CDK3: variants seen among roughly 807,000 people sequenced by gnomAD.
The protein encoded by CDK3 is cyclin-dependent kinase 3.
A neutral mutation model predicts 30.2 loss-of-function variants in CDK3; 24 were observed. The ratio of observed to expected loss-of-function variants is 0.79; its 90% CI spans 0.57 to 1.12. The LOEUF (loss-of-function observed/expected upper bound fraction) is 1.12, where lower values mean the gene tolerates loss of function less well. Among genes scored for constraint, CDK3 ranks in the 50% most tolerant of loss-of-function variants. The probability of loss-of-function intolerance (pLI) is 0.00; values close to 1 mark genes in which losing one functional copy is unlikely to be tolerated. For missense variants in CDK3, 345 were observed against 376.0 expected (o/e 0.92, Z 0.68); for synonymous variants, 158 against 154.2 (o/e 1.02, Z -0.18).
In CDK3 at chr17:76,002,199, C is replaced by T. The variant is rs1384528429; in HGVS notation, c.316-49C>T. On this transcript the variant is annotated intron_variant, in intron 4 of 7. Coordinates refer to ENST00000448471, the MANE Select transcript of CDK3 (RefSeq NM_001258.4). The surrounding 1 kb of genome is among the most constrained non-coding windows in gnomAD (Gnocchi z 4.3). ...ACACCCCATCCCTGCCATCCCTGTC[C>T]ACGCAGCACCTCCGCTCAGCTGGCT... 2 of 1,612,498 alleles carry T rather than the reference C, an allele frequency of 1.2e-6. No individual in the cohort carries two copies. The highest frequency in any genetic ancestry group is 1.1e-5 in the South Asian group (1 of 91,004).
rs772166842 is a variant in CDK3 at position 76,002,270 on chromosome 17, A to G, written c.338A>G (p.Gln113Arg). 1 of 1,611,818 alleles carries G rather than the reference A, an allele frequency of 6.2e-7. No individual in the cohort carries two copies. The highest frequency in any genetic ancestry group is 8.5e-7 in the Non-Finnish European group (1 of 1,179,934). ...LIKSYLFQLL[Q>R]GVSFCHSHRV... is the part of the protein sequence containing the mutation. ...CAGAGCTACCTCTTCCAGCTGCTGCAGGGGGTGAGTTTCTGCCACTCACAT... is the reference window on the plus strand; with the variant it reads ...CAGAGCTACCTCTTCCAGCTGCTGCGGGGGGTGAGTTTCTGCCACTCACAT... Residue 113 changes from glutamine to arginine, a missense_variant, in exon 5 of 8, where the codon CAG becomes CGG. Gln to Arg is a conservative substitution (Grantham distance 43). Transcript: ENST00000448471. This position sits in a 1 kb window ranked among gnomAD's most constrained non-coding sequence, Gnocchi z 4.3.
chr17:76,002,004 C>T lies in CDK3; in HGVS notation c.195-18C>T, dbSNP rs745355663. 1 of 1,614,066 alleles carries T rather than the reference C, an allele frequency of 6.2e-7. No individual in the cohort carries two copies. Among genetic ancestry groups the T allele is most frequent in the Non-Finnish European group, 8.5e-7 (1 of 1,179,966 alleles). ...TGGGATGGCGAAGGTAGCATCCTGA[C>T]TGCCATCTCCCTGTCAGACTGCTGG... On this transcript the variant is annotated intron_variant, in intron 3 of 7. Coordinates refer to ENST00000448471, the MANE Select transcript of CDK3 (RefSeq NM_001258.4). The surrounding 1 kb of genome is among the most constrained non-coding windows in gnomAD (Gnocchi z 4.3).
At position 76,000,919 on chromosome 17, in the gene CDK3, G is replaced by C. The variant is rs544179820; in HGVS notation, c.-63G>C. 2 of 1,051,788 alleles carry C rather than the reference G, an allele frequency of 1.9e-6. No individual in the cohort carries two copies. Among genetic ancestry groups the C allele is most frequent in the African/African-American group, 1.7e-5 (1 of 58,252 alleles). 65.2% of individuals were successfully genotyped at this position (1,051,788 alleles called of 1,614,324 possible). The stretch of plus-strand genomic sequence containing the variant: ...GGCCCCTGGGCAGCCCTTCCTGGCC[G>C]CCATGTGTACCCAGAGCCTGGGACT... On this transcript the variant is annotated 5_prime_UTR_variant, in exon 1 of 8. Coordinates refer to ENST00000448471, the MANE Select transcript of CDK3 (RefSeq NM_001258.4). The surrounding 1 kb of genome is among the most constrained non-coding windows in gnomAD (Gnocchi z 5.9).
In CDK3 at chr17:76,005,441, T is replaced by C; in HGVS notation, c.*18T>C. ...GCCATTGAGAATGTCAAGGCCACAC[T>C]CAGATCCTTTCTCGAGCAGCTGCTG... On this transcript the variant is annotated 3_prime_UTR_variant, in exon 8 of 8. Transcript: ENST00000448471. This position sits in a 1 kb window ranked among gnomAD's most constrained non-coding sequence, Gnocchi z 4.7. 1 of 1,605,152 alleles carries C rather than the reference T, an allele frequency of 6.2e-7. No individual in the cohort carries two copies. The highest frequency in any genetic ancestry group is 8.5e-7 in the Non-Finnish European group (1 of 1,173,386).
At chr17:76,003,052 A>G (rs888716709) in intron 6 of CDK3, 143 bp from the exon 7 acceptor site, 7 of 712,680 alleles carry the variant, frequency 9.8e-6, no homozygotes, top group Non-Finnish European at 1.7e-5. Context: ...AGGTAGCTTT[A>G]TTCCAAAAGA....
intron 7 of CDK3, chr17:76,004,709 T>A (rs2066295441): frequency 6.6e-6 from 1 of 152,578 alleles, no homozygotes; most frequent in South Asian, 2.0e-4. Flanking sequence ...CTTAATCTGG[T>A]GTTGAATGAG....
chr17:76,003,313 A>G lies in CDK3; in HGVS notation c.707A>G (p.Tyr236Cys), dbSNP rs2066278808. 2 of 1,614,074 alleles carry G rather than the reference A, an allele frequency of 1.2e-6. No homozygotes were observed. Among genetic ancestry groups the G allele is most frequent in the East Asian group, 2.2e-5 (1 of 44,884 alleles). ...CCCGGGGTCACCCAGCTGCCTGACT[A>G]TAAGGGCAGCTTCCCTAAGTGGACC... ...TWPGVTQLPD[Y>C]KGSFPKWTRK... The change falls in exon 7 of 8, where the codon TAT (tyrosine) becomes TGT (cysteine). Residue 236 changes from tyrosine to cysteine, a missense_variant. Physicochemically the swap from Tyr to Cys is radical, Grantham distance 194. Coordinates refer to ENST00000448471, the MANE Select transcript of CDK3 (RefSeq NM_001258.4).
Position 76,001,739 on chromosome 17 carries a change from C to T in CDK3, c.117-135C>T, listed in dbSNP as rs749967188. The T allele has an allele frequency of 1.2e-4, 119 of 957,020 alleles. 1 individual carries two copies. The Middle Eastern group carries it at 3.0e-3, about 24-fold the overall frequency. The allele number at this position is 957,020 out of a possible 1,614,324, so 59.3% of individuals were successfully genotyped here. ...CCTGACTGTGGAGTTTGGTGGATGA[C>T]GTGCCAAGGAGCACAGGTCTCCATT... On this transcript the variant is annotated intron_variant, in intron 2 of 7. Coordinates refer to ENST00000448471, the MANE Select transcript of CDK3 (RefSeq NM_001258.4). This position sits in a 1 kb window ranked among gnomAD's most constrained non-coding sequence, Gnocchi z 6.2.
In CDK3 at chr17:76,001,730, G is replaced by T. The variant is rs2066261623; in HGVS notation, c.117-144G>T. ...TGCCGGGGCCCTGACTGTGGAGTTTGGTGGATGACGTGCCAAGGAGCACAG... is the reference window on the plus strand; with the variant it reads ...TGCCGGGGCCCTGACTGTGGAGTTTTGTGGATGACGTGCCAAGGAGCACAG... On this transcript the variant is annotated intron_variant, in intron 2 of 7. Coordinates refer to ENST00000448471, the MANE Select transcript of CDK3 (RefSeq NM_001258.4). The surrounding 1 kb of genome is among the most constrained non-coding windows in gnomAD (Gnocchi z 6.2). The T allele has an allele frequency of 1.1e-6, 1 of 936,126 alleles. No individual in the cohort carries two copies. The highest frequency in any genetic ancestry group is 1.6e-6 in the Non-Finnish European group (1 of 629,018). 58.0% of individuals were successfully genotyped at this position (936,126 alleles called of 1,614,324 possible). A position where few individuals can be genotyped will look rare whatever the true frequency, so the allele number is the denominator to read the frequency against.
chr17:76,001,141 G>A lies in CDK3; in HGVS notation c.-15+174G>A, dbSNP rs969494601. The stretch of plus-strand genomic sequence containing the variant: ...CTGCCCTCCGAGGCCGGGCATGGGC[G>A]AGAAGCCTGGGGGTCCTGGCTGAAC... On this transcript the variant is annotated intron_variant, in intron 1 of 7. Transcript: ENST00000448471. This position sits in a 1 kb window ranked among gnomAD's most constrained non-coding sequence, Gnocchi z 6.2. The A allele has an allele frequency of 6.2e-6, 8 of 1,283,586 alleles. No homozygotes were observed. The highest frequency in any genetic ancestry group is 7.8e-5 in the East Asian group (2 of 25,678). 79.5% of individuals were successfully genotyped at this position (1,283,586 alleles called of 1,614,324 possible).
At position 76,005,215 on chromosome 17, in the gene CDK3, C is replaced by G; in HGVS notation, c.793-83C>G. The G allele has an allele frequency of 1.3e-6, 2 of 1,545,774 alleles. No individual in the cohort carries two copies. The highest frequency in any genetic ancestry group is 1.8e-6 in the Non-Finnish European group (2 of 1,142,490). On this transcript the variant is annotated intron_variant, in intron 7 of 7. Coordinates refer to ENST00000448471, the MANE Select transcript of CDK3 (RefSeq NM_001258.4). The surrounding 1 kb of genome is among the most constrained non-coding windows in gnomAD (Gnocchi z 4.7). ...AGGGCAGCCAATTTGGGGCCCAGGC[C>G]CTTGATCTGGGACCTGGGAGGGGAA...
chr17:76,000,880 C>A lies in CDK3; in HGVS notation c.-102C>A, dbSNP rs1224677531. The A allele has an allele frequency of 9.5e-7, 1 of 1,049,596 alleles. No homozygotes were observed. Among genetic ancestry groups the A allele is most frequent in the South Asian group, 3.1e-5 (1 of 32,086 alleles). The allele number at this position is 1,049,596 out of a possible 1,614,324, so 65.0% of individuals were successfully genotyped here. On this transcript the variant is annotated 5_prime_UTR_variant, in exon 1 of 8. Coordinates refer to ENST00000448471, the MANE Select transcript of CDK3 (RefSeq NM_001258.4). This position sits in a 1 kb window ranked among gnomAD's most constrained non-coding sequence, Gnocchi z 5.9. ...AGACCCTCCTGACCCCTGACCTCTG[C>A]CCCCAGTGGCCCTGGCCCCTGGGCA...
Position 76,005,671 on chromosome 17 carries a change from T to A in CDK3, c.*248T>A. The A allele has an allele frequency of 2.4e-6, 1 of 419,636 alleles. No homozygotes were observed. The highest frequency in any genetic ancestry group is 4.2e-6 in the Non-Finnish European group (1 of 236,028). 26.0% of individuals were successfully genotyped at this position (419,636 alleles called of 1,614,324 possible). A position where few individuals can be genotyped will look rare whatever the true frequency, so the allele number is the denominator to read the frequency against. On this transcript the variant is annotated 3_prime_UTR_variant, in exon 8 of 8. Coordinates refer to ENST00000448471, the MANE Select transcript of CDK3 (RefSeq NM_001258.4). This position sits in a 1 kb window ranked among gnomAD's most constrained non-coding sequence, Gnocchi z 4.7. ...CCATGCACGAGGGGTCCCCGGGCAC[T>A]GGAACAAGTGCCAAGTTGAAGGCAG...
At position 76,001,484 on chromosome 17, in the gene CDK3, A is replaced by G; in HGVS notation, c.59A>G (p.Lys20Arg). ...IGEGTYGVVY[K>R]AKNRETGQLV... Reference sequence around the variant, plus strand: ...GAGGGCACCTATGGGGTGGTGTACAAGGCCAAGAACAGGGAGACAGGGCAG... The same window carrying G: ...GAGGGCACCTATGGGGTGGTGTACAGGGCCAAGAACAGGGAGACAGGGCAG... Residue 20 changes from lysine to arginine, a missense_variant, in exon 2 of 8, where the codon AAG becomes AGG. Coordinates refer to ENST00000448471, the MANE Select transcript of CDK3 (RefSeq NM_001258.4). The surrounding 1 kb of genome is among the most constrained non-coding windows in gnomAD (Gnocchi z 6.2). 1.2e-6 allele frequency: 2 copies of G among 1,614,130 alleles called. No individual in the cohort carries two copies. The highest frequency in any genetic ancestry group is 1.7e-6 in the Non-Finnish European group (2 of 1,179,958).
Position 76,003,172 on chromosome 17 carries a change from CCTT to C in CDK3, c.589-20_589-18del, listed in dbSNP as rs755363630. The C allele has an allele frequency of 1.2e-6, 2 of 1,608,220 alleles. No homozygotes were observed. Among genetic ancestry groups the C allele is most frequent in the East Asian group, 4.5e-5 (2 of 44,870 alleles). On this transcript the variant is annotated intron_variant, in intron 6 of 7. Transcript: ENST00000448471. ...GTATAACAAAGTGGCGGACCCCACACCTTCTCTTCTTCCCCATTTCAGGTGACT... is the reference window on the plus strand; with the variant it reads ...GTATAACAAAGTGGCGGACCCCACACCTCTTCTTCCCCATTTCAGGTGACT...
Position 76,005,506 on chromosome 17 carries a change from C to T in CDK3, c.*83C>T, listed in dbSNP as rs1293473087. On this transcript the variant is annotated 3_prime_UTR_variant, in exon 8 of 8. Coordinates refer to ENST00000448471, the MANE Select transcript of CDK3 (RefSeq NM_001258.4). The surrounding 1 kb of genome is among the most constrained non-coding windows in gnomAD (Gnocchi z 4.7). Reference sequence around the variant, plus strand: ...TACCCATTGCCAAGAGAGGATGCATCTGGGGAGAGCAAAGCACTAAGGAAT... The same window carrying T: ...TACCCATTGCCAAGAGAGGATGCATTTGGGGAGAGCAAAGCACTAAGGAAT... The T allele has an allele frequency of 6.7e-7, 1 of 1,496,814 alleles. No homozygotes were observed. The highest frequency in any genetic ancestry group is 1.9e-5 in the Admixed American group (1 of 53,762). The allele number at this position is 1,496,814 out of a possible 1,614,324, so 92.7% of individuals were successfully genotyped here. A position where few individuals can be genotyped will look rare whatever the true frequency, so the allele number is the denominator to read the frequency against.
At position 76,005,324 on chromosome 17, in the gene CDK3, G is replaced by A; in HGVS notation, c.819G>A (p.Gln273=). The change falls in exon 8 of 8, where the codon CAG becomes CAA. Residue 273 remains glutamine (Q), a synonymous_variant. Transcript: ENST00000448471. This position sits in a 1 kb window ranked among gnomAD's most constrained non-coding sequence, Gnocchi z 4.7. ...LMQLLQYDPS[Q]RITAKTALAH... is the part of the protein sequence containing the mutation. ...AACTCCTGCAGTATGACCCCAGCCA[G>A]CGGATCACAGCCAAGACTGCCCTGG... The A allele has an allele frequency of 6.2e-7, 1 of 1,614,014 alleles. No individual in the cohort carries two copies.
chr17:76,003,132 C>A, intron 6 of CDK3, 63 bp from the exon 7 acceptor site: 1 of 1,384,842 alleles, frequency 7.2e-7, no homozygotes, highest in Non-Finnish European at 1.0e-6. Context: ...GGCCACTTAT[C>A]TGGTATTGGA....
At position 76,002,510 on chromosome 17, in the gene CDK3, G is replaced by C. The variant is rs2066270460; in HGVS notation, c.487-1G>C. 6.9e-7 allele frequency: 1 copy of C among 1,451,406 alleles called. No individual in the cohort carries two copies. The highest frequency in any genetic ancestry group is 1.4e-5 in the African/African-American group (1 of 71,830). 89.9% of individuals were successfully genotyped at this position (1,451,406 alleles called of 1,614,324 possible). Reference sequence around the variant, plus strand: ...AGTGATACTGTTTCTTTGCCCTGCAGGTGGTGACACTGTGGTATCGCGCCC... The same window carrying C: ...AGTGATACTGTTTCTTTGCCCTGCACGTGGTGACACTGTGGTATCGCGCCC... On this transcript the variant is annotated splice_acceptor_variant, in intron 5 of 7. Coordinates refer to ENST00000448471, the MANE Select transcript of CDK3 (RefSeq NM_001258.4). LOFTEE classifies it high-confidence loss of function. The surrounding 1 kb of genome is among the most constrained non-coding windows in gnomAD (Gnocchi z 4.3).
Sources: gnomAD v4.1 joint callset for allele counts on GRCh38, gnomAD v4.1.1 for gene constraint, Gnocchi (gnomAD v3.1) non-coding constraint, MANE v1.5 for transcripts, NCBI Gene and HGNC (gene_info 2026-07-23, HGNC 2026-07-21) for gene names.